The following GALNT7 variants were observed in gnomAD, a reference collection of about 807,000 sequenced individuals.
GALNT7 encodes polypeptide N-acetylgalactosaminyltransferase 7, also known as N-acetylgalactosaminyltransferase 7.
In GALNT7, 60 loss-of-function variants were observed where a neutral mutation model predicts 82.1. The observed-to-expected ratio is 0.73, with a 90% CI of 0.59 to 0.91. The LOEUF is 0.91. Among genes scored for constraint, GALNT7 ranks in the 40% least tolerant of loss-of-function variants. The pLI is 0.00. For missense variants in GALNT7, 660 were observed against 804.2 expected, an observed-to-expected ratio of 0.82 and a Z score of 2.17; for synonymous variants, 243 against 275.1, an observed-to-expected ratio of 0.88 and a Z score of 1.15.
intron 5 of GALNT7, among the ~76,000 whole-genome samples, chr4:173,297,213 C>CT (rs879456070): frequency 0.028 from 3,865 of 137,464 alleles, 174 homozygotes; most frequent in African/African-American, 0.097. Context: ...ATTTTTTTTG[C>CT]TTTTTTTTTT....
At chr4:173,172,320 T>C (rs1197663465) in intron 1 of GALNT7, among the ~76,000 whole-genome samples, 1 of 152,228 alleles carries the variant, frequency 6.6e-6, no homozygotes, top group Non-Finnish European at 1.5e-5. Flanking sequence ...GAAGTTTTAC[T>C]CATGCTCACT....
At position 173,296,130 on chromosome 4, in the gene GALNT7, A is replaced by G. The variant is rs1451521397; in HGVS notation, c.965+287A>G. ...TCTCCAGGCACTTTCTCTAAGAGTT[A>G]TATGAATTGCTCCCTCTAAACTGGG... On this transcript the variant is annotated intron_variant, in intron 5 of 11. Coordinates refer to ENST00000265000, the MANE Select transcript of GALNT7 (RefSeq NM_017423.3). Among the ~76,000 whole-genome samples, 31 of 152,204 alleles carry G rather than the reference A, an allele frequency of 2.0e-4. 1 individual carries two copies. Among genetic ancestry groups the G allele is most frequent in the Admixed American group, 2.0e-3 (31 of 15,286 alleles).
At chr4:173,202,034 C>T (rs1391265296) in intron 1 of GALNT7, among the ~76,000 whole-genome samples, 1 of 152,182 alleles carries the variant, frequency 6.6e-6, no homozygotes, top group Non-Finnish European at 1.5e-5. Context: ...CTTAAGACAA[C>T]TGTGCTGGTC....
At chr4:173,288,003 G>A (rs1736388072) in intron 2 of GALNT7, among the ~76,000 whole-genome samples, 1 of 152,148 alleles carries the variant, frequency 6.6e-6, no homozygotes, top group South Asian at 2.1e-4. Flanking sequence ...AACATATGAG[G>A]CCGGGCGCGG....
chr4:173,304,989 T>C lies in GALNT7; in HGVS notation c.1389+871T>C, dbSNP rs192214741. Among the ~76,000 whole-genome samples the C allele has an allele frequency of 2.2e-3, 330 of 152,294 alleles. 6 individuals carry two copies. The highest frequency in any genetic ancestry group is 6.2e-4 in the Non-Finnish European group (42 of 68,020). ...AATACTGCTGCAATGAACAGGAGTGTAGATACCTCTTCGATATACAGATTT... is the reference window on the plus strand; with the variant it reads ...AATACTGCTGCAATGAACAGGAGTGCAGATACCTCTTCGATATACAGATTT... On this transcript the variant is annotated intron_variant, in intron 8 of 11. Coordinates refer to ENST00000265000, the MANE Select transcript of GALNT7 (RefSeq NM_017423.3).
At chr4:173,225,847 G>A (rs1733809077) in intron 1 of GALNT7, among the ~76,000 whole-genome samples, 2 of 152,172 alleles carry the variant, frequency 1.3e-5, no homozygotes, top group Non-Finnish European at 2.9e-5. Flanking sequence ...GGGAGGAGAT[G>A]CAACCACAAC....
At chr4:173,282,077 C>T (rs1463402786) in intron 2 of GALNT7, among the ~76,000 whole-genome samples, 2 of 152,176 alleles carry the variant, frequency 1.3e-5, no homozygotes, top group Non-Finnish European at 2.9e-5. Flanking sequence ...CAGCTGACTC[C>T]AGAAGCTTTT....
At chr4:173,178,060 C>CTGTGT (rs1561142214) in intron 1 of GALNT7, among the ~76,000 whole-genome samples, 41 of 123,624 alleles carry the variant, frequency 3.3e-4, no homozygotes, top group African/African-American at 1.8e-3. Flanking sequence ...TGTGCGCGCA[C>CTGTGT]GCGCGTGCGC....
chr4:173,313,070 T>TA (rs143700288), intron 8 of GALNT7, among the ~76,000 whole-genome samples: 11,454 of 151,584 alleles, frequency 0.076, 950 homozygotes, highest in African/African-American at 0.21. Context: ...AAAATATATA[T>TA]TTTTTTTAAA....
intron 2 of GALNT7, among the ~76,000 whole-genome samples, chr4:173,280,805 A>G (rs1475240339): frequency 6.6e-6 from 1 of 152,224 alleles, no homozygotes; most frequent in African/African-American, 2.4e-5. Flanking sequence ...CCTCAATACA[A>G]TGGGCATTTC....
At chr4:173,304,298 C>T (rs1199420110) in intron 8 of GALNT7, among the ~76,000 whole-genome samples, 180 bp downstream of exon 8, 1 of 151,926 alleles carries the variant, frequency 6.6e-6, no homozygotes, top group Non-Finnish European at 1.5e-5. Flanking sequence ...GATTATTCAG[C>T]TGAAGCAGGA....
rs986984075 is a variant in GALNT7 at position 173,247,396 on chromosome 4, T to C, written c.127-584T>C. Among the ~76,000 whole-genome samples the C allele has an allele frequency of 2.0e-5, 3 of 151,116 alleles. No individual in the cohort carries two copies. In the East Asian group the frequency reaches 5.8e-4, roughly 29 times the overall value. Reference sequence around the variant, plus strand: ...GCCCGAGCTGACTTAGTTACAGATATTAGCTTTTTTTATACTTCTGATTTC... The same window carrying C: ...GCCCGAGCTGACTTAGTTACAGATACTAGCTTTTTTTATACTTCTGATTTC... On this transcript the variant is annotated intron_variant, in intron 1 of 11. Transcript: ENST00000265000.
intron 1 of GALNT7, among the ~76,000 whole-genome samples, chr4:173,207,437 G>A (rs1343762952): frequency 6.6e-6 from 1 of 151,862 alleles, no homozygotes; most frequent in East Asian, 1.9e-4. Context: ...AAGTAAAATG[G>A]CTTGTTTTGT....
intron 2 of GALNT7, among the ~76,000 whole-genome samples, chr4:173,281,294 C>A (rs937530668): frequency 3.3e-5 from 5 of 152,158 alleles, no homozygotes; most frequent in African/African-American, 1.2e-4. Flanking sequence ...CTATTCAGTT[C>A]TCTTGCTGCC....
In GALNT7 at chr4:173,322,845, G is replaced by A. The variant is rs950453169; in HGVS notation, c.*1128G>A. The A allele has an allele frequency of 6.6e-6, 1 of 152,044 alleles. No individual in the cohort carries two copies. Among genetic ancestry groups the A allele is most frequent in the Non-Finnish European group, 1.5e-5 (1 of 67,984 alleles). The allele number at this position is 152,044 out of a possible 1,614,324, so 9.4% of individuals were successfully genotyped here. A position where few individuals can be genotyped will look rare whatever the true frequency, so the allele number is the denominator to read the frequency against. ...TTCATCCAAATGACATTATCTGCAC[G>A]TTTTTAAAATTTAAAAACAAAGGAC... is the stretch of plus-strand genomic sequence containing the variant. On this transcript the variant is annotated 3_prime_UTR_variant, in exon 12 of 12. Coordinates refer to ENST00000265000, the MANE Select transcript of GALNT7 (RefSeq NM_017423.3).
chr4:173,282,420 GT>G (rs1736147121), intron 2 of GALNT7: 1 of 152,222 alleles, frequency 6.6e-6, no homozygotes, highest in Non-Finnish European at 1.5e-5. Context: ...GTCCCAGATT[GT>G]TTTGTTTTTG....
chr4:173,210,197 T>C (rs1020140411), intron 1 of GALNT7, among the ~76,000 whole-genome samples: 4 of 151,836 alleles, frequency 2.6e-5, no homozygotes, highest in African/African-American at 7.2e-5. Flanking sequence ...CATTGCAGCA[T>C]CAACATAACT....
At chr4:173,319,661 T>C (rs946047878) in intron 11 of GALNT7, among the ~76,000 whole-genome samples, 1 of 152,126 alleles carries the variant, frequency 6.6e-6, no homozygotes, top group Admixed American at 6.6e-5. Flanking sequence ...ATAACATGTT[T>C]TAGGTATTTT....
At chr4:173,176,133 T>C (rs1030655888) in intron 1 of GALNT7, among the ~76,000 whole-genome samples, 2 of 151,538 alleles carry the variant, frequency 1.3e-5, no homozygotes, top group South Asian at 4.2e-4. Flanking sequence ...ACTCAGGGAA[T>C]GTCAGGGAAG....
Sources: allele counts gnomAD v4.1 joint callset (sites outside exome capture counted in the v4.1 genomes callset), GRCh38; gene constraint gnomAD v4.1.1; transcripts MANE v1.5; gene names NCBI Gene and HGNC (gene_info 2026-07-23, HGNC 2026-07-21).